The following SUSD1 variants were observed in gnomAD, a reference collection of about 807,000 sequenced individuals.
SUSD1 encodes the protein sushi domain-containing protein 1.
A neutral mutation model predicts 86.9 loss-of-function variants in SUSD1; 65 were observed. The ratio of observed to expected loss-of-function variants is 0.75; its 90% confidence interval spans 0.61 to 0.92. SUSD1 has a LOEUF of 0.92. Ranked by LOEUF, SUSD1 falls within the 40% of genes least tolerant of loss-of-function variation. The probability of loss-of-function intolerance (pLI) is 0.00; values close to 1 mark genes in which losing one functional copy is unlikely to be tolerated. For missense variants in SUSD1, 850 were observed against 929.7 expected (o/e 0.91, Z 1.11); for synonymous variants, 346 against 350.0 (o/e 0.99, Z 0.13).
intron 15 of SUSD1, 71 bp downstream of exon 15, chr9:112,052,328 T>G: frequency 1.2e-6 from 2 of 1,612,290 alleles, no homozygotes; most frequent in Non-Finnish European, 1.7e-6. Context: ...TATAAACAGA[T>G]CTCATCAATA....
At chr9:112,129,197 T>C (rs186178854) in intron 5 of SUSD1, among the ~76,000 whole-genome samples, 131 of 152,282 alleles carry the variant, frequency 8.6e-4, no homozygotes, top group African/African-American at 2.9e-3. Context: ...CAGAACTGAA[T>C]GTTCGTGGTG....
At chr9:112,151,775 T>C (rs1192441745) in intron 2 of SUSD1, among the ~76,000 whole-genome samples, 2 of 150,500 alleles carry the variant, frequency 1.3e-5, no homozygotes, top group South Asian at 2.1e-4. Context: ...CGGTGGCTCA[T>C]GCCTGTAATC....
At chr9:112,082,718 GTTTT>G (rs1468208606) in intron 10 of SUSD1, among the ~76,000 whole-genome samples, 1 of 151,718 alleles carries the variant, frequency 6.6e-6, no homozygotes, top group African/African-American at 2.4e-5. Context: ...TTTAGTTTTT[GTTTT>G]GTTTTGTTTT....
intron 13 of SUSD1, among the ~76,000 whole-genome samples, chr9:112,058,942 T>C (rs774463290): frequency 1.3e-5 from 2 of 152,128 alleles, no homozygotes; most frequent in Non-Finnish European, 2.9e-5. Context: ...TACAGGTGCA[T>C]GCCACCACGC....
Position 112,098,594 on chromosome 9 carries a change from C to T in SUSD1, c.1350G>A (p.Thr450=), listed in dbSNP as rs758499244. ...AACACACTACAGGCACTTGTTCCCT[C>T]GTTGTGAAGTTAAACGATGTTGCAT... is the stretch of plus-strand genomic sequence containing the variant. ...FSHATSFNFT[T]REQVPVVCLD... Residue 450 remains threonine (T), a synonymous_variant, in exon 10 of 17, where the codon ACG becomes ACA. Coordinates refer to ENST00000374270, the MANE Select transcript of SUSD1 (RefSeq NM_022486.5). 8.7e-6 allele frequency: 14 copies of T among 1,614,034 alleles called. No individual in the cohort carries two copies. The highest frequency in any genetic ancestry group is 1.0e-5 in the Non-Finnish European group (12 of 1,180,032).
chr9:112,165,927 AAAGAAAGAAAGAAAG>A (rs1423056180), intron 1 of SUSD1, among the ~76,000 whole-genome samples: 4 of 42,746 alleles, frequency 9.4e-5, no homozygotes, highest in Non-Finnish European at 1.9e-4. Flanking sequence ...GAAAGAAAAG[AAAGAAAGAAAGAAAG>A]AAGAAAGAAA....
intron 6 of SUSD1, among the ~76,000 whole-genome samples, chr9:112,123,511 G>A (rs1831635858): frequency 6.6e-6 from 1 of 152,118 alleles, no homozygotes; most frequent in Admixed American, 6.5e-5. Context: ...AACTATATTA[G>A]ATGGTAAGCC....
intron 3 of SUSD1, among the ~76,000 whole-genome samples, chr9:112,144,400 A>G (rs1676229573): frequency 6.6e-6 from 1 of 152,202 alleles, no homozygotes; most frequent in Admixed American, 6.5e-5. Flanking sequence ...ATCACTATAA[A>G]TATATCCAAT....
At chr9:112,055,308 C>A (rs1828400185) in intron 14 of SUSD1, among the ~76,000 whole-genome samples, 1 of 152,090 alleles carries the variant, frequency 6.6e-6, no homozygotes, top group South Asian at 2.1e-4. Context: ...CACCTGTAGT[C>A]CCAGCTACTC....
At chr9:112,174,813 C>A (rs1232183759) in intron 1 of SUSD1, among the ~76,000 whole-genome samples, 4 of 152,098 alleles carry the variant, frequency 2.6e-5, no homozygotes, top group African/African-American at 7.2e-5. Flanking sequence ...CCGCCCTGCC[C>A]GGGTCCGCGC....
At chr9:112,162,859 T>G (rs1272236169) in intron 1 of SUSD1, among the ~76,000 whole-genome samples, 1 of 152,230 alleles carries the variant, frequency 6.6e-6, no homozygotes. Flanking sequence ...ACCAAATCGC[T>G]GTGGCATATG....
intron 2 of SUSD1, among the ~76,000 whole-genome samples, chr9:112,152,749 A>ATTTT (rs1731913056): frequency 1.4e-4 from 11 of 78,248 alleles, no homozygotes; most frequent in South Asian, 3.3e-4. Flanking sequence ...ATTTTTTTTA[A>ATTTT]TCTTTTTTTT....
intron 13 of SUSD1, among the ~76,000 whole-genome samples, chr9:112,061,410 A>T (rs759899497): frequency 6.6e-6 from 1 of 152,072 alleles, no homozygotes; most frequent in Non-Finnish European, 1.5e-5. Flanking sequence ...TTCTGGAAGG[A>T]CTTTTCTCCT....
intron 15 of SUSD1, among the ~76,000 whole-genome samples, chr9:112,043,124 C>T (rs575289329): frequency 6.6e-6 from 1 of 152,192 alleles, no homozygotes; most frequent in Non-Finnish European, 1.5e-5. Context: ...CCAAACAAAT[C>T]CCCATCCTGT....
intron 5 of SUSD1, among the ~76,000 whole-genome samples, chr9:112,138,463 C>CTT (rs1320715477): frequency 2.2e-5 from 3 of 139,240 alleles, no homozygotes; most frequent in African/African-American, 5.3e-5. Flanking sequence ...AATAAATATT[C>CTT]TTTTTTTTTT....
chr9:112,050,230 G>T (rs1828129671), intron 15 of SUSD1, among the ~76,000 whole-genome samples: 1 of 152,190 alleles, frequency 6.6e-6, no homozygotes, highest in African/African-American at 2.4e-5. Flanking sequence ...AAGGGACTTG[G>T]CCCATCTGCA....
chr9:112,139,250 G>A (rs1023905777), intron 5 of SUSD1, among the ~76,000 whole-genome samples: 1 of 151,692 alleles, frequency 6.6e-6, no homozygotes, highest in East Asian at 1.9e-4. Flanking sequence ...CATTAATACC[G>A]AACTGAACAA....
In SUSD1 at chr9:112,064,712, C is replaced by A. The variant is rs545475666; in HGVS notation, c.1754-1679G>T. Among the ~76,000 whole-genome samples, 8 of 152,158 alleles carry A rather than the reference C, an allele frequency of 5.3e-5. No homozygotes were observed. The East Asian group carries it at 1.5e-3, about 29-fold the overall frequency. On this transcript the variant is annotated intron_variant, in intron 12 of 16. Transcript: ENST00000374270. ...CCAACATGGTGAGACTCTGTCTCTA[C>A]TAAAGATGCAAAAATTAGCCAGGCG...
chr9:112,089,694 C>T (rs1434905468), intron 10 of SUSD1, among the ~76,000 whole-genome samples: 1 of 151,746 alleles, frequency 6.6e-6, no homozygotes, highest in Non-Finnish European at 1.5e-5. Context: ...TGCCTGTAGT[C>T]CCATCTACTC....
Sources: gnomAD v4.1 joint callset for allele counts (sites outside exome capture counted in the v4.1 genomes callset) on GRCh38, gnomAD v4.1.1 for gene constraint, MANE v1.5 for transcripts, NCBI Gene and HGNC (gene_info 2026-07-23, HGNC 2026-07-21) for gene names.